Variants in GRIK3 observed in about 807,000 individuals in gnomAD.
The protein encoded by GRIK3 is glutamate ionotropic receptor kainate type subunit 3.
In GRIK3, 29 loss-of-function variants were observed where a neutral mutation model predicts 102.5. That is an observed-to-expected ratio of 0.28 (90% confidence interval 0.21 to 0.39). The LOEUF (loss-of-function observed/expected upper bound fraction) is 0.39. Ranked by LOEUF, GRIK3 falls within the 10% of genes least tolerant of loss-of-function variation. The probability of loss-of-function intolerance (pLI) is 1.00; values close to 1 mark genes in which losing one functional copy is unlikely to be tolerated. For synonymous variants in GRIK3, 511 were observed against 504.9 expected, an observed-to-expected ratio of 1.01 and a Z score of -0.16; for missense variants, 908 against 1,252.4, an observed-to-expected ratio of 0.73 and a Z score of 4.15.
chr1:36,934,390 C>T lies in GRIK3; in HGVS notation c.116-43294G>A, dbSNP rs751127644. On this transcript the variant is annotated intron_variant, in intron 1 of 15. Coordinates refer to ENST00000373091, the MANE Select transcript of GRIK3 (RefSeq NM_000831.4). The stretch of plus-strand genomic sequence containing the variant: ...AATCTCATATTCCTTATGCTAAACC[C>T]GCAGTTCCTTCTGCCCTAGTCATGG... 8.5e-5 allele frequency among the ~76,000 whole-genome samples: 13 copies of T among 152,302 alleles called. No homozygotes were observed. The East Asian group carries it at 9.6e-4, about 11-fold the overall frequency.
chr1:36,860,096 ATCAGGGCCGCCCCAGGGCCTGAGGT>A (rs1395489074), intron 5 of GRIK3, 79 bp from the exon 6 acceptor site: 95 of 1,131,052 alleles, frequency 8.4e-5, no homozygotes, highest in Non-Finnish European at 1.1e-4. Flanking sequence ...CCACTCCCTA[ATCAGGGCCGCCCCAGGGCCTGAGGT>A]CGCAGCTCCC....
At chr1:36,983,340 C>A (rs901207913) in intron 1 of GRIK3, among the ~76,000 whole-genome samples, 1 of 152,154 alleles carries the variant, frequency 6.6e-6, no homozygotes, top group South Asian at 2.1e-4. Flanking sequence ...CACTCCCACA[C>A]GCATGTTCTA....
chr1:36,820,786 T>C (rs1176956186), intron 11 of GRIK3, among the ~76,000 whole-genome samples: 1 of 152,258 alleles, frequency 6.6e-6, no homozygotes, highest in Non-Finnish European at 1.5e-5. Context: ...TAGATTTTTG[T>C]CTTTGAATAT....
Position 37,034,163 on chromosome 1 carries a change from G to T in GRIK3, c.-55C>A, listed in dbSNP as rs1382498056. On this transcript the variant is annotated 5_prime_UTR_variant, in exon 1 of 16. Transcript: ENST00000373091. The stretch of plus-strand genomic sequence containing the variant: ...GCGGCCGTGGCGGGCTCCCTGGGGC[G>T]GCAGCTCTAGGCGCGGGCGCGCAGC... 6.2e-6 allele frequency: 5 copies of T among 802,008 alleles called. No individual in the cohort carries two copies. Among genetic ancestry groups the T allele is most frequent in the Admixed American group, 3.9e-5 (1 of 25,786 alleles). 49.7% of individuals were successfully genotyped at this position (802,008 alleles called of 1,614,324 possible). A position where few individuals can be genotyped will look rare whatever the true frequency, so the allele number is the denominator to read the frequency against.
In GRIK3 at chr1:37,034,080, C is replaced by A; in HGVS notation, c.29G>T (p.Ser10Ile). 1 of 1,592,570 alleles carries A rather than the reference C, an allele frequency of 6.3e-7. No individual in the cohort carries two copies. The highest frequency in any genetic ancestry group is 8.5e-7 in the Non-Finnish European group (1 of 1,170,956). MTAPWRRLRSLVWEYWAGLL... is the reference protein window; with the variant it reads MTAPWRRLRILVWEYWAGLL... ...CCCGGCCCAGTATTCCCAAACCAGA[C>A]TCCGGAGGCGCCGCCAGGGAGCGGT... Residue 10 changes from serine to isoleucine, a missense_variant, in exon 1 of 16, where the codon AGT becomes ATT. By Grantham distance (142) the Ser-to-Ile change is moderately radical. Around this residue, in one of 3 missense-constraint regions of GRIK3, gnomAD observed 585 missense variants for 824.9 expected, o/e 0.71. Transcript: ENST00000373091.
At chr1:36,927,346 G>T (rs1641538453) in intron 1 of GRIK3, among the ~76,000 whole-genome samples, 1 of 152,196 alleles carries the variant, frequency 6.6e-6, no homozygotes, top group Non-Finnish European at 1.5e-5. Flanking sequence ...AATAGCAAAT[G>T]CAATTCAACA....
chr1:36,858,764 G>T (rs1195332601), intron 7 of GRIK3, among the ~76,000 whole-genome samples: 1 of 152,180 alleles, frequency 6.6e-6, no homozygotes, highest in Non-Finnish European at 1.5e-5. Flanking sequence ...CAGATGAGGT[G>T]ACTGAGGCTC....
chr1:36,904,978 T>C (rs945345582), intron 1 of GRIK3, among the ~76,000 whole-genome samples: 2 of 152,190 alleles, frequency 1.3e-5, no homozygotes, highest in Non-Finnish European at 2.9e-5. Flanking sequence ...CAGATGCTTA[T>C]TATGGTTCTC....
intron 1 of GRIK3, among the ~76,000 whole-genome samples, chr1:36,902,126 A>G (rs1641238669): frequency 6.6e-6 from 1 of 152,242 alleles, no homozygotes; most frequent in African/African-American, 2.4e-5. Context: ...GGATAAGAAA[A>G]GTCAATTATT....
At chr1:36,908,273 A>G (rs2124292174) in intron 1 of GRIK3, among the ~76,000 whole-genome samples, 1 of 152,298 alleles carries the variant, frequency 6.6e-6, no homozygotes, top group African/African-American at 2.4e-5. Context: ...CAGGGGTGAC[A>G]TTACTGGGGG....
At chr1:36,843,306 G>C (rs1306988764) in intron 9 of GRIK3, among the ~76,000 whole-genome samples, 1 of 152,144 alleles carries the variant, frequency 6.6e-6, no homozygotes, top group East Asian at 1.9e-4. Flanking sequence ...TGTCCATGAT[G>C]GATGCGCTGA....
chr1:37,013,570 G>A (rs758636797), intron 1 of GRIK3, among the ~76,000 whole-genome samples: 3 of 152,198 alleles, frequency 2.0e-5, no homozygotes, highest in Non-Finnish European at 4.4e-5. Flanking sequence ...CTGGATTGAG[G>A]ACTGGCCAAA....
In GRIK3 at chr1:36,850,370, G is replaced by C; in HGVS notation, c.1267C>G (p.Arg423Gly). Residue 423 changes from arginine to glycine, a missense_variant, in exon 9 of 16, where the codon CGA (arginine) becomes GGA (glycine). Arg to Gly is a moderately radical substitution (Grantham distance 125). This residue lies in a region of GRIK3 where 585 missense variants were observed against 824.9 expected (regional missense o/e 0.71). Coordinates refer to ENST00000373091, the MANE Select transcript of GRIK3 (RefSeq NM_000831.4). The surrounding 1 kb of genome is among the most constrained non-coding windows in gnomAD (Gnocchi z 4.0). The stretch of plus-strand genomic sequence containing the variant: ...AGAGAGTCGGTGACATTAGGGCCTC[G>C]GCCTTTGGCAACCTCAGTGATGTTG... ...GLNITEVAKG[R>G]GPNVTDSLTN... is the part of the protein sequence containing the mutation. 4 of 1,613,744 alleles carry C rather than the reference G, an allele frequency of 2.5e-6. No individual in the cohort carries two copies. In the South Asian group the frequency reaches 3.3e-5, roughly 13 times the overall value.
intron 10 of GRIK3, among the ~76,000 whole-genome samples, chr1:36,835,688 C>T (rs955842149): frequency 6.6e-6 from 1 of 152,212 alleles, no homozygotes; most frequent in African/African-American, 2.4e-5. Flanking sequence ...AAGGAATGAT[C>T]CTCAGCAGGG....
intron 1 of GRIK3, among the ~76,000 whole-genome samples, chr1:36,981,217 T>G (rs1358008612): frequency 6.6e-6 from 1 of 152,158 alleles, no homozygotes; most frequent in Non-Finnish European, 1.5e-5. Flanking sequence ...CTTGGTCAAC[T>G]CGGGTTATCT....
chr1:37,005,936 A>G (rs922245634), intron 1 of GRIK3, among the ~76,000 whole-genome samples: 1 of 152,028 alleles, frequency 6.6e-6, no homozygotes, highest in Non-Finnish European at 1.5e-5. Flanking sequence ...GGCAGTGGGG[A>G]GCCCTTGAGG....
chr1:36,920,452 A>G (rs771860653), intron 1 of GRIK3, among the ~76,000 whole-genome samples: 1 of 151,984 alleles, frequency 6.6e-6, no homozygotes, highest in Non-Finnish European at 1.5e-5. Flanking sequence ...GTAAAGCCTG[A>G]TCCAGAATTT....
intron 1 of GRIK3, among the ~76,000 whole-genome samples, chr1:36,895,252 A>C (rs1263753441): frequency 6.6e-6 from 1 of 152,166 alleles, no homozygotes; most frequent in African/African-American, 2.4e-5. Context: ...GGCATACTAA[A>C]AGGCATAAAA....
At position 36,825,245 on chromosome 1, in the gene GRIK3, A is replaced by G. The variant is rs1231970116; in HGVS notation, c.1754+358T>C. ...CAAGTTCTAAGCCACCCACTGGGCC[A>G]CCCAATGTCCTGAGTCTGCTGCACC... On this transcript the variant is annotated intron_variant, in intron 11 of 15. Coordinates refer to ENST00000373091, the MANE Select transcript of GRIK3 (RefSeq NM_000831.4). Among the ~76,000 whole-genome samples, 5 of 152,054 alleles carry G rather than the reference A, an allele frequency of 3.3e-5. No individual in the cohort carries two copies. The East Asian group carries it at 9.7e-4, about 29-fold the overall frequency.
Sources: allele counts gnomAD v4.1 joint callset (sites outside exome capture counted in the v4.1 genomes callset), GRCh38; gene constraint gnomAD v4.1.1; regional missense constraint gnomAD v4.1.1; non-coding constraint Gnocchi (gnomAD v3.1); transcripts MANE v1.5; gene names NCBI Gene and HGNC (gene_info 2026-07-23, HGNC 2026-07-21).